The following ATG7 variants were observed in gnomAD, a reference collection of about 807,000 sequenced individuals.
The protein encoded by ATG7 is ubiquitin-like modifier-activating enzyme ATG7.
A neutral mutation model predicts 82.4 loss-of-function variants in ATG7; 70 were observed. That is an observed-to-expected ratio of 0.85 (90% CI 0.70 to 1.04). The LOEUF is 1.04. Among genes scored for constraint, ATG7 ranks in the 50% least tolerant of loss-of-function variants. ATG7 has a pLI of 0.00. For synonymous variants in ATG7, 287 were observed against 313.0 expected, an observed-to-expected ratio of 0.92 and a Z score of 0.88; for missense variants, 792 against 864.3, an observed-to-expected ratio of 0.92 and a Z score of 1.05.
At chr3:11,398,055 G>T (rs1411413042) in intron 19 of ATG7, among the ~76,000 whole-genome samples, 1 of 149,984 alleles carries the variant, frequency 6.7e-6, no homozygotes, top group Non-Finnish European at 1.5e-5. Context: ...CTGCACTCCA[G>T]CCTGGGGGAC....
intron 20 of ATG7, among the ~76,000 whole-genome samples, chr3:11,458,806 C>T (rs959326544): frequency 2.0e-5 from 3 of 152,190 alleles, no homozygotes; most frequent in Non-Finnish European, 4.4e-5. Flanking sequence ...CAGTACTGGT[C>T]CGAGGCCTGT....
At chr3:11,378,838 A>G (rs1223771791) in intron 18 of ATG7, among the ~76,000 whole-genome samples, 1 of 151,940 alleles carries the variant, frequency 6.6e-6, no homozygotes, top group African/African-American at 2.4e-5. Context: ...TTTTCTTTAA[A>G]TAGTTTGTCA....
intron 19 of ATG7, among the ~76,000 whole-genome samples, chr3:11,420,916 C>G (rs550459766): frequency 1.3e-5 from 2 of 151,820 alleles, no homozygotes; most frequent in Non-Finnish European, 2.9e-5. Context: ...CCACCTTGTC[C>G]GGCTAATTTT....
chr3:11,322,232 CAA>C, intron 9 of ATG7, among the ~76,000 whole-genome samples: 1 of 149,666 alleles, frequency 6.7e-6, no homozygotes, highest in Non-Finnish European at 1.5e-5. Flanking sequence ...CATAACAAAA[CAA>C]GACTTTTGCA....
chr3:11,300,062 C>G (rs899574276), intron 5 of ATG7, among the ~76,000 whole-genome samples: 5 of 151,958 alleles, frequency 3.3e-5, no homozygotes, highest in Admixed American at 1.3e-4. Flanking sequence ...GTAGCTGGGA[C>G]TACAAGCTCA....
chr3:11,574,685 T>C, the ATG7 span, among the ~76,000 whole-genome samples: 1 of 152,146 alleles, frequency 6.6e-6, no homozygotes, highest in East Asian at 1.9e-4. Flanking sequence ...TAATGTTTGA[T>C]GGAGGCTAAC....
chr3:11,534,623 G>C (rs1257758623), intron 20 of ATG7, among the ~76,000 whole-genome samples: 1 of 152,244 alleles, frequency 6.6e-6, no homozygotes, highest in Non-Finnish European at 1.5e-5. Context: ...GTGCTAAGGG[G>C]AGCTGCCACA....
chr3:11,281,511 G>T (rs555262954), intron 2 of ATG7, among the ~76,000 whole-genome samples: 256 of 152,194 alleles, frequency 1.7e-3, no homozygotes, highest in Non-Finnish European at 2.6e-3. Context: ...GGTGGCTCAC[G>T]CCTATAATCC....
intron 20 of ATG7, among the ~76,000 whole-genome samples, chr3:11,478,759 G>T (rs1455858748): frequency 1.3e-5 from 2 of 152,110 alleles, no homozygotes; most frequent in East Asian, 1.9e-4. Flanking sequence ...TCCTTATGGA[G>T]AAGTTATGAA....
intron 1 of ATG7, among the ~76,000 whole-genome samples, chr3:11,277,619 C>A (rs1292298620): frequency 2.6e-5 from 4 of 152,122 alleles, no homozygotes; most frequent in African/African-American, 9.7e-5. Context: ...GGGAGTGGGT[C>A]ACAAAGATCA....
intron 14 of ATG7, among the ~76,000 whole-genome samples, chr3:11,354,573 C>T (rs1447559473): frequency 3.4e-5 from 5 of 148,418 alleles, no homozygotes; most frequent in African/African-American, 1.0e-4. Context: ...CGCTTGAACC[C>T]GGAAGTCAGA....
chr3:11,431,916 G>C (rs2082928084), intron 20 of ATG7, among the ~76,000 whole-genome samples: 1 of 152,196 alleles, frequency 6.6e-6, no homozygotes, highest in Non-Finnish European at 1.5e-5. Context: ...GAATCATCTA[G>C]ATTTAGTGAG....
chr3:11,342,834 G>C (rs1032954701), intron 13 of ATG7, among the ~76,000 whole-genome samples: 3 of 150,054 alleles, frequency 2.0e-5, no homozygotes, highest in Admixed American at 2.0e-4. Flanking sequence ...ATATCCATAG[G>C]ATTTTTTTTT....
At chr3:11,534,886 C>A (rs981843019) in intron 20 of ATG7, among the ~76,000 whole-genome samples, 3 of 152,246 alleles carry the variant, frequency 2.0e-5, no homozygotes, top group Non-Finnish European at 4.4e-5. Flanking sequence ...GCGCTTCAGG[C>A]CCACGTAGGC....
At chr3:11,564,315 G>C in the ATG7 span, among the ~76,000 whole-genome samples, 1 of 152,122 alleles carries the variant, frequency 6.6e-6, no homozygotes, top group African/African-American at 2.4e-5. Context: ...TCACAACCCT[G>C]TGACCATCAA....
At chr3:11,376,992 G>A (rs2077466204) in intron 18 of ATG7, among the ~76,000 whole-genome samples, 1 of 152,252 alleles carries the variant, frequency 6.6e-6, no homozygotes, top group East Asian at 1.9e-4. Flanking sequence ...GCCCTCCTCG[G>A]CCTCCCAAAG....
Position 11,340,641 on chromosome 3 carries a change from T to C in ATG7, c.890-4T>C, listed in dbSNP as rs773326941. ...ATTAAACTTTGTGTTTTATTTGCCT[T>C]AAGATTGTCCTAAAGCAGTTGGATG... On this transcript the variant is annotated splice_polypyrimidine_tract_variant and splice_region_variant and intron_variant, in intron 11 of 20. Coordinates refer to ENST00000693202, the MANE Select transcript of ATG7 (RefSeq NM_001349232.2). 32 of 1,612,818 alleles carry C rather than the reference T, an allele frequency of 2.0e-5. 1 individual carries two copies. The South Asian group carries it at 3.5e-4, about 18-fold the overall frequency.
intron 1 of ATG7, chr3:11,277,555 C>A (rs770467787): frequency 6.6e-6 from 1 of 152,216 alleles, no homozygotes; most frequent in Non-Finnish European, 1.5e-5. Flanking sequence ...ACCCGAGCTG[C>A]AAAACCAGCA....
intron 19 of ATG7, 81 bp from the exon 20 acceptor site, chr3:11,426,723 A>G (rs2152942669): frequency 2.3e-6 from 3 of 1,305,316 alleles, no homozygotes; most frequent in Non-Finnish European, 3.1e-6. Flanking sequence ...ATTTTTGACA[A>G]GAGCTTGTTA....
Sources: gnomAD v4.1 joint callset for allele counts (sites outside exome capture counted in the v4.1 genomes callset) on GRCh38, gnomAD v4.1.1 for gene constraint, MANE v1.5 for transcripts, NCBI Gene and HGNC (gene_info 2026-07-23, HGNC 2026-07-21) for gene names.